Variants in TRDN observed in about 807,000 individuals in gnomAD.
TRDN encodes triadin in skeletal muscle.
TRDN carries 161 observed loss-of-function variants against 149.7 expected under a neutral mutation model. The observed-to-expected ratio is 1.08, with a 90% CI of 0.95 to 1.23. The LOEUF (loss-of-function observed/expected upper bound fraction) is 1.23. Ranked by LOEUF, TRDN falls within the 50% of genes most tolerant of loss-of-function variation. The pLI is 0.00. For synonymous variants in TRDN, 294 were observed against 250.5 expected (o/e 1.17, Z -1.64); for missense variants, 896 against 823.5 (o/e 1.09, Z -1.08).
At chr6:123,227,059 A>C (rs1775402757) in intron 38 of TRDN, among the ~76,000 whole-genome samples, 1 of 151,878 alleles carries the variant, frequency 6.6e-6, no homozygotes, top group African/African-American at 2.4e-5. Context: ...CATGTGGAAC[A>C]TCTTATACAT....
Position 123,422,599 on chromosome 6 carries a change from G to A in TRDN, c.1051+15464C>T, listed in dbSNP as rs116479531. 5.2e-4 allele frequency among the ~76,000 whole-genome samples: 79 copies of A among 152,214 alleles called. 1 individual carries two copies. Among genetic ancestry groups the A allele is most frequent in the African/African-American group, 1.6e-3 (67 of 41,540 alleles). On this transcript the variant is annotated intron_variant, in intron 12 of 40. Coordinates refer to ENST00000334268, the MANE Select transcript of TRDN (RefSeq NM_006073.4). ...AACTAATTTGGACTAAATTAATCAT[G>A]ATGAATCAAACACATAAAAGTTCCC...
chr6:123,559,387 A>C (rs1781853485), intron 2 of TRDN, among the ~76,000 whole-genome samples: 1 of 152,090 alleles, frequency 6.6e-6, no homozygotes, highest in Non-Finnish European at 1.5e-5. Flanking sequence ...GTTCCCTATT[A>C]GGCCGAGACA....
intron 1 of TRDN, among the ~76,000 whole-genome samples, chr6:123,584,246 G>A (rs561071659): frequency 3.7e-4 from 56 of 152,234 alleles, no homozygotes; most frequent in African/African-American, 1.2e-3. Context: ...TGAAGGAGCC[G>A]GGGAGCAGAA....
intron 31 of TRDN, among the ~76,000 whole-genome samples, chr6:123,269,478 C>T (rs56071498): frequency 6.6e-6 from 1 of 152,038 alleles, no homozygotes; most frequent in Non-Finnish European, 1.5e-5. Flanking sequence ...AGATTTCCAA[C>T]CTACCTTAAC....
intron 4 of TRDN, among the ~76,000 whole-genome samples, chr6:123,538,899 T>C (rs1583210131): frequency 6.6e-6 from 1 of 152,328 alleles, no homozygotes; most frequent in African/African-American, 2.4e-5. Flanking sequence ...TTCCCATGTG[T>C]ACATAAACCA....
Position 123,571,110 on chromosome 6 carries a change from A to G in TRDN, c.45T>C (p.Thr15=). 6.2e-7 allele frequency: 1 copy of G among 1,613,914 alleles called. No homozygotes were observed. The highest frequency in any genetic ancestry group is 1.1e-5 in the South Asian group (1 of 91,086). Reference sequence around the variant, plus strand: ...CAGATCCATTTTTGCTGTCTATCACAGTTGTGGTTGTAGATGCATTTCCTA... The same window carrying G: ...CAGATCCATTTTTGCTGTCTATCACGGTTGTGGTTGTAGATGCATTTCCTA... ...TAEGNASTTT[T]VIDSKNGSVP... The change falls in exon 2 of 41, where the codon ACT becomes ACC. Residue 15 remains threonine (T), a synonymous_variant. Coordinates refer to ENST00000334268, the MANE Select transcript of TRDN (RefSeq NM_006073.4).
At chr6:123,290,613 A>G (rs751773880) in intron 24 of TRDN, among the ~76,000 whole-genome samples, 1 of 152,194 alleles carries the variant, frequency 6.6e-6, no homozygotes, top group African/African-American at 2.4e-5. Flanking sequence ...ATCGATGCTT[A>G]AATAATGAAC....
Position 123,350,149 on chromosome 6 carries a change from G to T in TRDN, c.1369+2390C>A, listed in dbSNP as rs981537058. On this transcript the variant is annotated intron_variant, in intron 21 of 40. Coordinates refer to ENST00000334268, the MANE Select transcript of TRDN (RefSeq NM_006073.4). The stretch of plus-strand genomic sequence containing the variant: ...TGTTAAAATTTATTCTTGATGGTTA[G>T]TAGACAAATCTTATTTAATTACCTA... 3.0e-5 allele frequency: 29 copies of T among 970,934 alleles called. No individual in the cohort carries two copies. The South Asian group carries it at 1.2e-3, about 42-fold the overall frequency. The allele number at this position is 970,934 out of a possible 1,614,324, so 60.1% of individuals were successfully genotyped here.
chr6:123,278,178 T>C, intron 26 of TRDN, 140 bp downstream of exon 26: 1 of 543,904 alleles, frequency 1.8e-6, no homozygotes, highest in Non-Finnish European at 2.9e-6. Context: ...GAAATATATA[T>C]TTTGTTAGTT....
chr6:123,529,466 T>A (rs1780120353), intron 5 of TRDN: 2 of 1,033,504 alleles, frequency 1.9e-6, no homozygotes, highest in Non-Finnish European at 2.9e-6. Context: ...AAAGACATAA[T>A]ATCTGTAGAA....
At chr6:123,219,323 G>A (rs968673738) in intron 40 of TRDN, among the ~76,000 whole-genome samples, 1 of 151,810 alleles carries the variant, frequency 6.6e-6, no homozygotes, top group African/African-American at 2.4e-5. Context: ...AGGGAGTGTG[G>A]TGCAAGTAAG....
chr6:123,377,221 G>A (rs1445609653), intron 18 of TRDN, among the ~76,000 whole-genome samples: 1 of 152,150 alleles, frequency 6.6e-6, no homozygotes, highest in Non-Finnish European at 1.5e-5. Context: ...CTCAGGAAAT[G>A]TTATTAAGTA....
chr6:123,426,609 A>G (rs1358496685), intron 12 of TRDN, among the ~76,000 whole-genome samples: 2 of 152,166 alleles, frequency 1.3e-5, no homozygotes, highest in Non-Finnish European at 2.9e-5. Context: ...TCAGATTTGT[A>G]TAACATATAT....
chr6:123,521,288 T>C (rs918072911), intron 5 of TRDN, among the ~76,000 whole-genome samples: 1 of 151,912 alleles, frequency 6.6e-6, no homozygotes, highest in African/African-American at 2.4e-5. Flanking sequence ...GGAAATAAGG[T>C]TTTTACAGAG....
intron 26 of TRDN, among the ~76,000 whole-genome samples, chr6:123,276,871 G>C (rs893424832): frequency 3.9e-5 from 6 of 152,098 alleles, no homozygotes; most frequent in African/African-American, 1.4e-4. Context: ...GAATTCAAAC[G>C]CCTGGGTTAA....
chr6:123,636,619 G>T, intron 1 of TRDN, 135 bp downstream of exon 1: 1 of 997,276 alleles, frequency 1.0e-6, no homozygotes, highest in Non-Finnish European at 1.5e-6. Flanking sequence ...CCACTTCTCA[G>T]ATCCTGTATA....
intron 1 of TRDN, among the ~76,000 whole-genome samples, chr6:123,606,976 T>TC (rs895401884): frequency 4.6e-5 from 7 of 151,994 alleles, no homozygotes; most frequent in African/African-American, 1.7e-4. Flanking sequence ...CCTCTGGGAG[T>TC]CCCCCCACAC....
chr6:123,339,009 G>C (rs955119983), intron 21 of TRDN, among the ~76,000 whole-genome samples: 4 of 151,122 alleles, frequency 2.6e-5, no homozygotes, highest in African/African-American at 9.7e-5. Context: ...TGTATTAGGG[G>C]TTTTTTTTTG....
At chr6:123,469,002 T>G (rs1776996493) in intron 9 of TRDN, 1 of 152,230 alleles carries the variant, frequency 6.6e-6, no homozygotes. Flanking sequence ...ATGAAATCAT[T>G]ACAAATCCCT....
Sources: gnomAD v4.1 joint callset for allele counts (sites outside exome capture counted in the v4.1 genomes callset) on GRCh38, gnomAD v4.1.1 for gene constraint, MANE v1.5 for transcripts, NCBI Gene and HGNC (gene_info 2026-07-23, HGNC 2026-07-21) for gene names.